CAPRIN1: variants seen among roughly 807,000 people sequenced by gnomAD.
The protein encoded by CAPRIN1 is caprin-1.
In CAPRIN1, 29 loss-of-function variants were observed where a neutral mutation model predicts 100.9. The observed-to-expected ratio is 0.29, with a 90% CI of 0.21 to 0.39. The LOEUF is 0.39. Ranked by LOEUF, CAPRIN1 falls within the 10% of genes least tolerant of loss-of-function variation. The pLI, the probability that CAPRIN1 is intolerant of heterozygous loss-of-function variation, is 1.00. For synonymous variants in CAPRIN1, 338 were observed against 307.5 expected (o/e 1.10, Z -1.04); for missense variants, 795 against 876.7 (o/e 0.91, Z 1.18).
intron 4 of CAPRIN1, among the ~76,000 whole-genome samples, chr11:34,074,515 T>A (rs1442455539): frequency 6.6e-6 from 1 of 152,224 alleles, no homozygotes; most frequent in African/African-American, 2.4e-5. Flanking sequence ...TTCTTTCTTA[T>A]CTTCTTTTGC....
At chr11:34,083,136 T>A in intron 9 of CAPRIN1, 95 bp downstream of exon 9, 1 of 807,710 alleles carries the variant, frequency 1.2e-6, no homozygotes. Context: ...TTTTGCATTA[T>A]TAGTACATTT....
intron 2 of CAPRIN1, among the ~76,000 whole-genome samples, chr11:34,061,420 C>T (rs1200348157): frequency 6.6e-6 from 1 of 151,896 alleles, no homozygotes; most frequent in African/African-American, 2.4e-5. Flanking sequence ...GTTGCCCAGG[C>T]TGGTCTCAAA....
intron 2 of CAPRIN1, among the ~76,000 whole-genome samples, chr11:34,061,141 ACTC>A (rs1399375227): frequency 5.3e-5 from 8 of 151,242 alleles, no homozygotes; most frequent in East Asian, 1.9e-4. Context: ...GTGAAACTAA[ACTC>A]CTGGATACTT....
At chr11:34,076,529 A>G (rs774509617) in intron 5 of CAPRIN1, 31 bp from the exon 6 acceptor site, 2 of 1,607,668 alleles carry the variant, frequency 1.2e-6, no homozygotes, top group Non-Finnish European at 1.7e-6. Flanking sequence ...GACAACTGAA[A>G]GGTTATTAAT....
Position 34,071,749 on chromosome 11 carries a change from A to G in CAPRIN1, c.240A>G (p.Glu80=), listed in dbSNP as rs182820488. The G allele has an allele frequency of 1.9e-6, 3 of 1,612,418 alleles. No homozygotes were observed. In the East Asian group the frequency reaches 6.7e-5, roughly 36 times the overall value. The change falls in exon 3 of 19, where the codon GAA becomes GAG. Residue 80 remains glutamate (E), a synonymous_variant. Coordinates refer to ENST00000341394, the MANE Select transcript of CAPRIN1 (RefSeq NM_005898.5). ...KKKGKLDDYQ[E]RMNKGERLNQ... ...AGGGTAAGCTTGATGATTACCAGGA[A>G]CGAATGAACAAAGGGGAAAGGCTTA...
chr11:34,070,791 C>G (rs1850791587), intron 2 of CAPRIN1, among the ~76,000 whole-genome samples: 1 of 152,090 alleles, frequency 6.6e-6, no homozygotes, highest in African/African-American at 2.4e-5. Context: ...CAGCCTCTGC[C>G]TCTTGGGTTC....
In CAPRIN1 at chr11:34,052,572, C is replaced by T. The variant is rs753794916; in HGVS notation, c.152C>T (p.Thr51Ile). The T allele has an allele frequency of 2.5e-6, 4 of 1,610,928 alleles. No individual in the cohort carries two copies. The highest frequency in any genetic ancestry group is 2.5e-6 in the Non-Finnish European group (3 of 1,179,110). The change falls in exon 2 of 19, where the codon ACC (threonine) becomes ATC (isoleucine). Residue 51 changes from threonine (T) to isoleucine (I), a missense_variant. Physicochemically the swap from Thr to Ile is moderately conservative, Grantham distance 89. This residue lies in a region of CAPRIN1 where 109 missense variants were observed against 86.6 expected (regional missense o/e 1.26). Transcript: ENST00000341394. ...HPATGTGAVQ[T>I]EAMKQILGVI... ...GCAACCGGCACCGGCGCTGTCCAGA[C>T]CGAGGCCATGAAGCAGATTCTCGGG... is the stretch of plus-strand genomic sequence containing the variant.
chr11:34,075,448 C>T (rs1339219591), intron 4 of CAPRIN1, among the ~76,000 whole-genome samples: 2 of 152,146 alleles, frequency 1.3e-5, no homozygotes, highest in African/African-American at 4.8e-5. Context: ...TCCTTTCAGC[C>T]TTTCCAGGAA....
intron 9 of CAPRIN1, among the ~76,000 whole-genome samples, chr11:34,084,941 C>G (rs757284766): frequency 2.6e-5 from 4 of 151,600 alleles, no homozygotes; most frequent in Non-Finnish European, 1.5e-5. Context: ...GTGGTTTGTT[C>G]TTTGTATCTA....
In CAPRIN1 at chr11:34,063,610, C is replaced by T. The variant is rs147859954; in HGVS notation, c.217-8116C>T. On this transcript the variant is annotated intron_variant, in intron 2 of 18. Coordinates refer to ENST00000341394, the MANE Select transcript of CAPRIN1 (RefSeq NM_005898.5). ...GTGTGGTCACACCTCTCCCATGATTCCCCCTTAAAGACTCTGGGTAATCTG... is the reference window on the plus strand; with the variant it reads ...GTGTGGTCACACCTCTCCCATGATTTCCCCTTAAAGACTCTGGGTAATCTG... Among the ~76,000 whole-genome samples the T allele has an allele frequency of 6.0e-3, 918 of 152,272 alleles. 12 individuals are homozygous for T. Among genetic ancestry groups the T allele is most frequent in the African/African-American group, 0.021 (866 of 41,556 alleles).
In CAPRIN1 at chr11:34,070,471, T is replaced by C. The variant is rs190418658; in HGVS notation, c.217-1255T>C. Among the ~76,000 whole-genome samples, 809 of 152,314 alleles carry C rather than the reference T, an allele frequency of 5.3e-3. 15 individuals carry two copies. Among genetic ancestry groups the C allele is most frequent in the African/African-American group, 0.019 (782 of 41,570 alleles). ...GAGTTTTGGCATTATTTCAGCTAAC[T>C]GCAGCCTTCACCTCCAGGGTTCAAG... On this transcript the variant is annotated intron_variant, in intron 2 of 18. Coordinates refer to ENST00000341394, the MANE Select transcript of CAPRIN1 (RefSeq NM_005898.5).
intron 2 of CAPRIN1, among the ~76,000 whole-genome samples, chr11:34,071,523 C>A (rs1366217036): frequency 6.6e-6 from 1 of 152,050 alleles, no homozygotes; most frequent in Non-Finnish European, 1.5e-5. Context: ...CAAGATCGTG[C>A]CATTGCACGC....
intron 11 of CAPRIN1, among the ~76,000 whole-genome samples, chr11:34,088,303 G>A (rs921447313): frequency 3.4e-4 from 52 of 152,032 alleles, no homozygotes; most frequent in African/African-American, 1.2e-3. Flanking sequence ...GTGCCTGGCC[G>A]AAAAGTACAT....
chr11:34,076,291 C>T lies in CAPRIN1; in HGVS notation c.422C>T (p.Ala141Val). 1 of 1,614,148 alleles carries T rather than the reference C, an allele frequency of 6.2e-7. No individual in the cohort carries two copies. Among genetic ancestry groups the T allele is most frequent in the South Asian group, 1.1e-5 (1 of 91,080 alleles). Reference protein sequence around the residue: ...ARREQLMREEAEQKRLKTVLE... With the variant: ...ARREQLMREEVEQKRLKTVLE... ...CGGGAGCAGCTTATGAGAGAAGAAG[C>T]TGAACAGAAACGTTTAAAAACTGTA... The change falls in exon 5 of 19, where the codon GCT (alanine) becomes GTT (valine). Residue 141 changes from alanine to valine, a missense_variant. Around this residue, in one of 3 missense-constraint regions of CAPRIN1, gnomAD observed 648 missense variants for 697.9 expected, o/e 0.93. Coordinates refer to ENST00000341394, the MANE Select transcript of CAPRIN1 (RefSeq NM_005898.5).
chr11:34,064,889 G>A (rs1022995031), intron 2 of CAPRIN1, among the ~76,000 whole-genome samples: 2 of 140,730 alleles, frequency 1.4e-5, no homozygotes, highest in African/African-American at 5.3e-5. Flanking sequence ...TTTCTGGGTT[G>A]TTTAAAGTTT....
Position 34,097,767 on chromosome 11 carries a change from AT to A in CAPRIN1, c.2065+10del. 6.2e-7 allele frequency: 1 copy of A among 1,614,010 alleles called. No individual in the cohort carries two copies. Among genetic ancestry groups the A allele is most frequent in the Non-Finnish European group, 8.5e-7 (1 of 1,179,924 alleles). On this transcript the variant is annotated splice_region_variant and intron_variant, in intron 18 of 18. Coordinates refer to ENST00000341394, the MANE Select transcript of CAPRIN1 (RefSeq NM_005898.5). ...ACCACGGGGAGCCCCACGAGGTAAT[AT>A]TTTGTGGTGGTGATCCTAGCTCCTA... is the stretch of plus-strand genomic sequence containing the variant.
rs907799247 is a variant in CAPRIN1 at position 34,100,190 on chromosome 11, T to C, written c.*823T>C. The C allele has an allele frequency of 6.6e-6, 1 of 152,256 alleles. No individual in the cohort carries two copies. The highest frequency in any genetic ancestry group is 6.5e-5 in the Admixed American group (1 of 15,282). 9.4% of individuals were successfully genotyped at this position (152,256 alleles called of 1,614,324 possible). ...CTTTTGTAAGGATTGGTACTATCTA[T>C]CATTCCTTATGACATGTACATTGTC... On this transcript the variant is annotated 3_prime_UTR_variant, in exon 19 of 19. Transcript: ENST00000341394.
At chr11:34,068,226 A>G (rs1366399554) in intron 2 of CAPRIN1, among the ~76,000 whole-genome samples, 2 of 152,214 alleles carry the variant, frequency 1.3e-5, no homozygotes, top group East Asian at 1.9e-4. Context: ...GAGTTACTGT[A>G]TTTGTATGAT....
At position 34,097,228 on chromosome 11, in the gene CAPRIN1, A is replaced by G; in HGVS notation, c.1933A>G (p.Asn645Asp). Residue 645 changes from asparagine (N) to aspartate (D), a missense_variant, in exon 17 of 19, where the codon AAC becomes GAC. By Grantham distance (23) the Asn-to-Asp change is conservative. This residue lies in a region of CAPRIN1 where 648 missense variants were observed against 697.9 expected (regional missense o/e 0.93). Transcript: ENST00000341394. ...GYDGYRPSFS[N>D]TPNSGYTQSQ... Reference sequence around the variant, plus strand: ...TGATGGTTACCGCCCTTCATTCTCTAACACTCCAAACAGTGGTTATACACA... The same window carrying G: ...TGATGGTTACCGCCCTTCATTCTCTGACACTCCAAACAGTGGTTATACACA... 1 of 1,613,842 alleles carries G rather than the reference A, an allele frequency of 6.2e-7. No individual in the cohort carries two copies. Among genetic ancestry groups the G allele is most frequent in the Non-Finnish European group, 8.5e-7 (1 of 1,179,730 alleles).
Sources: gnomAD v4.1 joint callset for allele counts (sites outside exome capture counted in the v4.1 genomes callset) on GRCh38, gnomAD v4.1.1 for gene constraint, gnomAD v4.1.1 regional missense constraint, MANE v1.5 for transcripts, NCBI Gene and HGNC (gene_info 2026-07-23, HGNC 2026-07-21) for gene names.